Variants in PLEKHA6 observed in about 807,000 individuals in gnomAD.
PLEKHA6 encodes pleckstrin homology domain-containing family A member 6.
PLEKHA6 carries 60 observed loss-of-function variants against 116.7 expected under a neutral mutation model. The observed-to-expected ratio is 0.51, with a 90% CI of 0.42 to 0.64. The LOEUF (loss-of-function observed/expected upper bound fraction) is 0.64. PLEKHA6 is among the 30% of genes least tolerant of loss of function. PLEKHA6 has a pLI of 0.00. For synonymous variants in PLEKHA6, 489 were observed against 556.1 expected (o/e 0.88, Z 1.70); for missense variants, 1,338 against 1,422.7 (o/e 0.94, Z 0.96).
chr1:204,356,042 T>C (rs964116872), intron 1 of PLEKHA6, among the ~76,000 whole-genome samples: 1 of 151,566 alleles, frequency 6.6e-6, no homozygotes, highest in Non-Finnish European at 1.5e-5. Flanking sequence ...GGAATGTAAA[T>C]TAGTGCTTTT....
At chr1:204,266,754 G>A (rs1336526360) in intron 5 of PLEKHA6, among the ~76,000 whole-genome samples, 2 of 152,180 alleles carry the variant, frequency 1.3e-5, no homozygotes, top group East Asian at 1.9e-4. Context: ...GGGAGTGAAG[G>A]AAAGAGCCTC....
In PLEKHA6 at chr1:204,257,402, T is replaced by C. The variant is rs1346367289; in HGVS notation, c.1475A>G (p.Tyr492Cys). 8.3e-6 allele frequency: 13 copies of C among 1,564,154 alleles called. No homozygotes were observed. The highest frequency in any genetic ancestry group is 2.4e-5 in the East Asian group (1 of 42,180). Reference protein sequence around the residue: ...ERLPPRSEDIYADPAAYVMRR... With the variant: ...ERLPPRSEDICADPAAYVMRR... ...CATCACATAGGCAGCAGGGTCAGCA[T>C]AGATGTCCTCACTGCGAGGTGGCAG... The change falls in exon 9 of 23, where the codon TAT (tyrosine) becomes TGT (cysteine). Residue 492 changes from tyrosine to cysteine, a missense_variant. Tyr to Cys is a radical substitution (Grantham distance 194, BLOSUM62 -2). Coordinates refer to ENST00000272203, the MANE Select transcript of PLEKHA6 (RefSeq NM_014935.5). The surrounding 1 kb of genome is among the most constrained non-coding windows in gnomAD (Gnocchi z 6.5).
At chr1:204,338,055 CTG>C (rs1324312998) in intron 1 of PLEKHA6, among the ~76,000 whole-genome samples, 3 of 152,220 alleles carry the variant, frequency 2.0e-5, no homozygotes, top group Non-Finnish European at 2.9e-5. Context: ...GATGAGGAAA[CTG>C]AGGTTCCAAG....
At chr1:204,342,679 G>T (rs1672890110) in intron 1 of PLEKHA6, among the ~76,000 whole-genome samples, 1 of 152,208 alleles carries the variant, frequency 6.6e-6, no homozygotes, top group African/African-American at 2.4e-5. Flanking sequence ...CCAGAGGTTT[G>T]TCTGTGAAAA....
intron 1 of PLEKHA6, chr1:204,275,091 C>T (rs1400866643): frequency 9.2e-6 from 2 of 217,816 alleles, no homozygotes; most frequent in Non-Finnish European, 1.6e-5. Context: ...TGAACTCTTT[C>T]AGTGGTTATC....
chr1:204,290,386 G>C, intron 1 of PLEKHA6, among the ~76,000 whole-genome samples: 1 of 152,136 alleles, frequency 6.6e-6, no homozygotes, highest in East Asian at 1.9e-4. Flanking sequence ...CACACATTTT[G>C]GTCAATTGGT....
At chr1:204,288,028 T>G (rs759011275) in intron 1 of PLEKHA6, among the ~76,000 whole-genome samples, 2 of 152,228 alleles carry the variant, frequency 1.3e-5, no homozygotes, top group Non-Finnish European at 2.9e-5. Flanking sequence ...GCTGATAGAA[T>G]GGGTATATCT....
chr1:204,375,532 G>A (rs1354199639), intron 1 of PLEKHA6, among the ~76,000 whole-genome samples: 1 of 151,776 alleles, frequency 6.6e-6, no homozygotes, highest in Non-Finnish European at 1.5e-5. Context: ...TTTTAATTCG[G>A]GCCCCATCAG....
chr1:204,309,878 C>T (rs1671594315), intron 1 of PLEKHA6: 1 of 163,860 alleles, frequency 6.1e-6, no homozygotes, highest in Admixed American at 6.5e-5. Flanking sequence ...CTCAATGCTA[C>T]CATCATAGTG....
intron 1 of PLEKHA6, among the ~76,000 whole-genome samples, chr1:204,296,405 G>A (rs769645296): frequency 3.6e-4 from 54 of 152,024 alleles, no homozygotes; most frequent in Non-Finnish European, 7.5e-4. Flanking sequence ...CACATGTGAT[G>A]GGCATTTAGA....
intron 2 of PLEKHA6, chr1:204,369,663 C>G (rs1673737230): frequency 6.6e-6 from 1 of 152,244 alleles, no homozygotes; most frequent in South Asian, 2.1e-4. Context: ...CAGCTGCCCT[C>G]GCGGCAAGCT....
chr1:204,335,630 G>T (rs1245836846), intron 1 of PLEKHA6, among the ~76,000 whole-genome samples: 3 of 152,100 alleles, frequency 2.0e-5, no homozygotes, highest in African/African-American at 7.2e-5. Flanking sequence ...GCAGTGCCAG[G>T]GAGATGATGC....
At chr1:204,250,436 G>GGA in intron 10 of PLEKHA6, 110 bp downstream of exon 10, 1 of 762,334 alleles carries the variant, frequency 1.3e-6, no homozygotes. Flanking sequence ...AGAGATAGAT[G>GGA]GAGAGACAGC....
At chr1:204,320,069 G>C (rs924696294) in intron 1 of PLEKHA6, among the ~76,000 whole-genome samples, 1 of 152,174 alleles carries the variant, frequency 6.6e-6, no homozygotes, top group African/African-American at 2.4e-5. Context: ...CAAGGGGCCA[G>C]GAAGCCACAA....
chr1:204,347,529 A>T (rs1673108195), intron 1 of PLEKHA6, among the ~76,000 whole-genome samples: 1 of 151,290 alleles, frequency 6.6e-6, no homozygotes. Context: ...TTACGAGATG[A>T]CAGGATTAAG....
chr1:204,346,660 G>C (rs996241252), intron 1 of PLEKHA6: 56 of 670,480 alleles, frequency 8.4e-5, no homozygotes, highest in African/African-American at 6.1e-4. Context: ...CCATGGGTAA[G>C]TGACCCATCA....
chr1:204,250,648 G>A (rs1292097666), intron 9 of PLEKHA6, 34 bp from the exon 10 acceptor site: 3 of 1,449,542 alleles, frequency 2.1e-6, no homozygotes, highest in South Asian at 2.3e-5. Context: ...CTGCAGCAGG[G>A]GCAGGATGAG....
At chr1:204,293,076 A>C (rs893301792) in intron 1 of PLEKHA6, among the ~76,000 whole-genome samples, 1 of 151,552 alleles carries the variant, frequency 6.6e-6, no homozygotes, top group Non-Finnish European at 1.5e-5. Flanking sequence ...GCAAGCCCAC[A>C]CTGTGGGAGT....
chr1:204,242,939 T>C (rs1663040915), intron 15 of PLEKHA6, among the ~76,000 whole-genome samples: 1 of 152,262 alleles, frequency 6.6e-6, no homozygotes, highest in African/African-American at 2.4e-5. Flanking sequence ...GCCTGTATGA[T>C]GGCTTCAACT....
Sources: gnomAD v4.1 joint callset for allele counts (sites outside exome capture counted in the v4.1 genomes callset) on GRCh38, gnomAD v4.1.1 for gene constraint, Gnocchi (gnomAD v3.1) non-coding constraint, MANE v1.5 for transcripts, NCBI Gene and HGNC (gene_info 2026-07-23, HGNC 2026-07-21) for gene names.